The following MTUS2 variants were observed in gnomAD, a reference collection of about 807,000 sequenced individuals.
The protein encoded by MTUS2 is microtubule-associated tumor suppressor candidate 2.
MTUS2 carries 40 observed loss-of-function variants against 114.1 expected under a neutral mutation model. The observed-to-expected ratio is 0.35, with a 90% confidence interval of 0.27 to 0.46. The LOEUF is 0.46. Among genes scored for constraint, MTUS2 ranks in the 20% least tolerant of loss-of-function variants. The pLI is 1.00. For synonymous variants in MTUS2, 688 were observed against 672.0 expected, an observed-to-expected ratio of 1.02 and a Z score of -0.37; for missense variants, 1,679 against 1,705.4, an observed-to-expected ratio of 0.98 and a Z score of 0.27.
intron 5 of MTUS2, among the ~76,000 whole-genome samples, chr13:29,260,276 T>A (rs1897421291): frequency 6.6e-6 from 1 of 152,234 alleles, no homozygotes; most frequent in Non-Finnish European, 1.5e-5. Context: ...AGATATTTTT[T>A]CTTTGGACTT....
At chr13:28,897,577 T>G (rs2137942743) in intron 2 of MTUS2, among the ~76,000 whole-genome samples, 1 of 152,238 alleles carries the variant, frequency 6.6e-6, no homozygotes, top group South Asian at 2.1e-4. Context: ...TAAATCATGC[T>G]GCTATAAAGA....
intron 6 of MTUS2, among the ~76,000 whole-genome samples, chr13:29,297,685 G>A (rs561521764): frequency 4.2e-4 from 64 of 152,280 alleles, no homozygotes; most frequent in African/African-American, 1.5e-3. Context: ...TCTGAGGTCT[G>A]TTTACACTTG....
At chr13:29,412,504 T>C (rs1875327698) in intron 8 of MTUS2, among the ~76,000 whole-genome samples, 1 of 152,200 alleles carries the variant, frequency 6.6e-6, no homozygotes, top group Admixed American at 6.5e-5. Flanking sequence ...TATTCATGAG[T>C]GACATTGGTC....
intron 5 of MTUS2, among the ~76,000 whole-genome samples, chr13:29,264,767 C>T (rs1897606006): frequency 6.6e-6 from 1 of 152,232 alleles, no homozygotes; most frequent in Non-Finnish European, 1.5e-5. Context: ...GGAGCAATAT[C>T]CCAAGGCTGC....
At chr13:29,363,908 G>A (rs958931119) in intron 8 of MTUS2, among the ~76,000 whole-genome samples, 2 of 152,190 alleles carry the variant, frequency 1.3e-5, no homozygotes, top group Admixed American at 1.3e-4. Flanking sequence ...AACCATAGCT[G>A]TTGTAGATAT....
intron 5 of MTUS2, among the ~76,000 whole-genome samples, chr13:29,200,544 G>T (rs1347159226): frequency 5.1e-5 from 1 of 19,614 alleles, no homozygotes; most frequent in East Asian, 9.9e-4. Context: ...TTTTGAGATG[G>T]AGTTTTGCTC....
At chr13:28,845,414 GAAGCCATTT>G (rs372603622) in intron 2 of MTUS2, among the ~76,000 whole-genome samples, 82 of 152,322 alleles carry the variant, frequency 5.4e-4, no homozygotes, top group African/African-American at 1.8e-3. Context: ...TGGAATGAAT[GAAGCCATTT>G]GAAGCTTGTG....
chr13:29,484,007 C>T (rs1378971810), intron 10 of MTUS2: 2 of 152,218 alleles, frequency 1.3e-5, no homozygotes, highest in Non-Finnish European at 2.9e-5. Flanking sequence ...CCCATTCCTC[C>T]AAGACCCTAA....
chr13:29,181,581 A>T (rs1894006390), intron 5 of MTUS2, among the ~76,000 whole-genome samples: 1 of 152,210 alleles, frequency 6.6e-6, no homozygotes, highest in Admixed American at 6.5e-5. Flanking sequence ...CCTCGGGGTT[A>T]GGATTTAGCA....
At position 29,026,201 on chromosome 13, in the gene MTUS2, G is replaced by C. The variant is rs768683558; in HGVS notation, c.1503G>C (p.Glu501Asp). ...SGRSEARESK[E>D]VTTSVAENRN... ...GCTCAGAAGCACGGGAAAGCAAAGA[G>C]GTCACCACATCTGTTGCTGAAAACA... Residue 501 changes from glutamate (E) to aspartate (D), a missense_variant, in exon 3 of 16, where the codon GAG becomes GAC. Coordinates refer to ENST00000612955, the MANE Select transcript of MTUS2 (RefSeq NM_001033602.4). 1.2e-6 allele frequency: 2 copies of C among 1,613,942 alleles called. No individual in the cohort carries two copies. Among genetic ancestry groups the C allele is most frequent in the South Asian group, 1.1e-5 (1 of 91,072 alleles).
intron 4 of MTUS2, among the ~76,000 whole-genome samples, chr13:29,060,133 G>A (rs1387501216): frequency 6.6e-6 from 1 of 152,236 alleles, no homozygotes; most frequent in Non-Finnish European, 1.5e-5. Flanking sequence ...GCAAGGGGGT[G>A]CAGCAGTCTT....
intron 2 of MTUS2, among the ~76,000 whole-genome samples, chr13:28,950,044 A>G (rs1448482918): frequency 6.6e-6 from 1 of 152,228 alleles, no homozygotes; most frequent in Non-Finnish European, 1.5e-5. Flanking sequence ...ATTTTCCACA[A>G]TGGTTGCTCT....
chr13:29,407,805 C>T (rs567012445), intron 8 of MTUS2, among the ~76,000 whole-genome samples: 1 of 152,056 alleles, frequency 6.6e-6, no homozygotes, highest in African/African-American at 2.4e-5. Flanking sequence ...ATACTTCTAC[C>T]AGCTATGTAT....
chr13:29,134,550 A>C (rs553036393), intron 5 of MTUS2, among the ~76,000 whole-genome samples: 1 of 152,206 alleles, frequency 6.6e-6, no homozygotes, highest in South Asian at 2.1e-4. Context: ...CTGTTATTAG[A>C]TGTTTAAATG....
At chr13:29,452,698 C>A (rs1377179854) in intron 9 of MTUS2, among the ~76,000 whole-genome samples, 1 of 151,934 alleles carries the variant, frequency 6.6e-6, no homozygotes, top group African/African-American at 2.4e-5. Context: ...CCTGCCTCAG[C>A]CTCCCAAAGT....
In MTUS2 at chr13:29,177,424, G is replaced by A. The variant is rs145265950; in HGVS notation, c.2644+76454G>A. Among the ~76,000 whole-genome samples, 169 of 150,784 alleles carry A rather than the reference G, an allele frequency of 1.1e-3. 9 individuals are homozygous for A. The highest frequency in any genetic ancestry group is 4.1e-3 in the African/African-American group (165 of 40,234). ...AAAGAAAATTATCATAGGCCCTAAG[G>A]CTAGATGGGACATTCAAGTTTTACC... On this transcript the variant is annotated intron_variant, in intron 5 of 15. Coordinates refer to ENST00000612955, the MANE Select transcript of MTUS2 (RefSeq NM_001033602.4).
At chr13:29,344,802 G>A (rs934213081) in intron 7 of MTUS2, among the ~76,000 whole-genome samples, 7 of 152,140 alleles carry the variant, frequency 4.6e-5, no homozygotes, top group African/African-American at 1.7e-4. Context: ...TGTATTTTGA[G>A]AATTTGTTTC....
chr13:29,106,028 C>T (rs978244639), intron 5 of MTUS2, among the ~76,000 whole-genome samples: 1 of 152,084 alleles, frequency 6.6e-6, no homozygotes, highest in African/African-American at 2.4e-5. Flanking sequence ...ATTTGAGCTC[C>T]CCAAGATTTG....
Position 28,906,244 on chromosome 13 carries a change from C to G in MTUS2, c.-243+66394C>G, listed in dbSNP as rs992538796. ...TAATTTTTTGAAGTGTTTTTTATGT[C>G]TCTATTTCCTTCAGTTCTGCTCTGA... On this transcript the variant is annotated intron_variant, in intron 2 of 15. Coordinates refer to ENST00000612955, the MANE Select transcript of MTUS2 (RefSeq NM_001033602.4). 2.3e-4 allele frequency among the ~76,000 whole-genome samples: 35 copies of G among 151,392 alleles called. 2 individuals carry two copies. The Middle Eastern group carries it at 0.014, about 60-fold the overall frequency.
Sources: allele counts gnomAD v4.1 joint callset (sites outside exome capture counted in the v4.1 genomes callset), GRCh38; gene constraint gnomAD v4.1.1; transcripts MANE v1.5; gene names NCBI Gene and HGNC (gene_info 2026-07-23, HGNC 2026-07-21).